ITGA9: variants seen among roughly 807,000 people sequenced by gnomAD.
ITGA9 encodes integrin subunit alpha 9, also known as integrin alpha-9.
A neutral mutation model predicts 127.8 loss-of-function variants in ITGA9; 56 were observed. That is an observed-to-expected ratio of 0.44 (90% CI 0.35 to 0.55). The LOEUF is 0.55. Among genes scored for constraint, ITGA9 ranks in the 20% least tolerant of loss-of-function variants. The pLI is 0.00. For missense variants in ITGA9, 1,196 were observed against 1,347.1 expected, an observed-to-expected ratio of 0.89 and a Z score of 1.76; for synonymous variants, 508 against 514.5, an observed-to-expected ratio of 0.99 and a Z score of 0.17.
chr3:37,571,341 A>C (rs1252199911), intron 15 of ITGA9, among the ~76,000 whole-genome samples: 3 of 152,212 alleles, frequency 2.0e-5, no homozygotes, highest in Non-Finnish European at 4.4e-5. Flanking sequence ...GAATGAAATG[A>C]TGATTAAGAT....
intron 1 of ITGA9, among the ~76,000 whole-genome samples, chr3:37,453,924 T>G (rs1283413222): frequency 6.6e-6 from 1 of 152,192 alleles, no homozygotes; most frequent in East Asian, 1.9e-4. Context: ...CTTACTCCAG[T>G]TGCTGGGTAT....
At chr3:37,488,195 A>T (rs6550479) in intron 4 of ITGA9, among the ~76,000 whole-genome samples, 39,842 of 152,112 alleles carry the variant, frequency 0.26, 5,379 homozygotes, top group East Asian at 0.44. Context: ...CTTATGCGCC[A>T]GGACAACAGG....
At chr3:37,460,250 C>G (rs574955115) in intron 1 of ITGA9, among the ~76,000 whole-genome samples, 200 of 152,304 alleles carry the variant, frequency 1.3e-3, no homozygotes, top group South Asian at 3.9e-3. Flanking sequence ...AGTCAAACTT[C>G]TGCACCAGTG....
chr3:37,815,591 AGAGT>A (rs1697421357), intron 27 of ITGA9, among the ~76,000 whole-genome samples: 1 of 151,074 alleles, frequency 6.6e-6, no homozygotes, highest in East Asian at 1.9e-4. Flanking sequence ...CCTGGGTGAC[AGAGT>A]GAGACTCTGT....
intron 18 of ITGA9, among the ~76,000 whole-genome samples, chr3:37,728,277 T>C (rs1363286250): frequency 6.6e-6 from 1 of 152,212 alleles, no homozygotes; most frequent in Non-Finnish European, 1.5e-5. Flanking sequence ...CATAGGCAAC[T>C]CCCAACCAGA....
At chr3:37,458,160 T>C (rs1011999491) in intron 1 of ITGA9, among the ~76,000 whole-genome samples, 1 of 152,224 alleles carries the variant, frequency 6.6e-6, no homozygotes, top group African/African-American at 2.4e-5. Flanking sequence ...TATTCTTTAG[T>C]TGAGTCTTTG....
rs184323958 is a variant in ITGA9, at chr3:37,801,825, G to A, written c.2890-1998G>A. On this transcript the variant is annotated intron_variant, in intron 26 of 27. Coordinates refer to ENST00000264741, the MANE Select transcript of ITGA9 (RefSeq NM_002207.3). ...ACTGTTCTGCTCCTGTCTTGCGGAT[G>A]AGAAAACTGAGGCTCAGAAACTGTG... 7.6e-4 allele frequency among the ~76,000 whole-genome samples: 115 copies of A among 152,286 alleles called. 1 individual carries two copies. Among genetic ancestry groups the A allele is most frequent in the South Asian group, 1.0e-3 (5 of 4,824 alleles).
At chr3:37,736,598 G>C (rs1425527472) in intron 19 of ITGA9, among the ~76,000 whole-genome samples, 1 of 152,198 alleles carries the variant, frequency 6.6e-6, no homozygotes, top group Non-Finnish European at 1.5e-5. Context: ...TGCAGATGTG[G>C]CAGAAATTGA....
intron 23 of ITGA9, among the ~76,000 whole-genome samples, chr3:37,760,410 A>G (rs1200243982): frequency 6.6e-6 from 1 of 152,250 alleles, no homozygotes; most frequent in African/African-American, 2.4e-5. Flanking sequence ...GAAGGAAAAA[A>G]GAATAAAACA....
At chr3:37,573,316 G>A (rs575799310) in intron 15 of ITGA9, 2 of 152,254 alleles carry the variant, frequency 1.3e-5, no homozygotes, top group African/African-American at 2.4e-5. Flanking sequence ...ATTCAGATTC[G>A]TGATTCTGTT....
intron 16 of ITGA9, among the ~76,000 whole-genome samples, chr3:37,649,443 C>T (rs1486452393): frequency 6.6e-6 from 1 of 152,076 alleles, no homozygotes; most frequent in Non-Finnish European, 1.5e-5. Flanking sequence ...CTTATATCAA[C>T]AAAATAGACT....
At chr3:37,525,774 A>G (rs998502770) in intron 12 of ITGA9, among the ~76,000 whole-genome samples, 3 of 152,188 alleles carry the variant, frequency 2.0e-5, no homozygotes, top group Admixed American at 6.5e-5. Context: ...TGTGGTGTGT[A>G]GTTTACACTC....
At chr3:37,583,478 A>G (rs1699729216) in intron 15 of ITGA9, among the ~76,000 whole-genome samples, 1 of 152,214 alleles carries the variant, frequency 6.6e-6, no homozygotes, top group Non-Finnish European at 1.5e-5. Context: ...TGTTCATGAC[A>G]TAACCCAATG....
chr3:37,685,872 T>C (rs1405233119), intron 18 of ITGA9, among the ~76,000 whole-genome samples: 2 of 152,240 alleles, frequency 1.3e-5, no homozygotes, highest in Admixed American at 6.5e-5. Flanking sequence ...AGTCTTACTA[T>C]TTTATAAACT....
chr3:37,553,923 C>G (rs1257197328), intron 15 of ITGA9, among the ~76,000 whole-genome samples: 5 of 152,218 alleles, frequency 3.3e-5, no homozygotes, highest in Non-Finnish European at 7.3e-5. Context: ...AAGATAATTT[C>G]TCTCTCTTCT....
chr3:37,542,744 C>T (rs72855871), intron 15 of ITGA9, among the ~76,000 whole-genome samples, 159 bp downstream of exon 15: 1 of 152,132 alleles, frequency 6.6e-6, no homozygotes, highest in Admixed American at 6.5e-5. Context: ...TAAAGTTGGC[C>T]TCTGACAGCC....
At chr3:37,624,200 C>CT (rs58307041) in intron 15 of ITGA9, among the ~76,000 whole-genome samples, 3,244 of 85,656 alleles carry the variant, frequency 0.038, 114 homozygotes, top group Non-Finnish European at 0.052. Flanking sequence ...AAAAAAAACC[C>CT]TTTTTTTTTT....
At chr3:37,673,022 G>A (rs1485492713) in intron 17 of ITGA9, among the ~76,000 whole-genome samples, 1 of 151,846 alleles carries the variant, frequency 6.6e-6, no homozygotes, top group Non-Finnish European at 1.5e-5. Flanking sequence ...GATTTTCACA[G>A]CAGTGAAAAT....
At chr3:37,617,440 CTTAGAGTTG>C (rs1700085457) in intron 15 of ITGA9, among the ~76,000 whole-genome samples, 1 of 152,138 alleles carries the variant, frequency 6.6e-6, no homozygotes, top group Non-Finnish European at 1.5e-5. Flanking sequence ...AATTATGTGT[CTTAGAGTTG>C]CTCTTCTCGA....
Sources: gnomAD v4.1 joint callset for allele counts (sites outside exome capture counted in the v4.1 genomes callset) on GRCh38, gnomAD v4.1.1 for gene constraint, MANE v1.5 for transcripts, NCBI Gene and HGNC (gene_info 2026-07-23, HGNC 2026-07-21) for gene names.